The following ENOX1 variants were observed in gnomAD, a reference collection of about 807,000 sequenced individuals.
ENOX1 encodes the protein ecto-NOX disulfide-thiol exchanger 1.
A neutral mutation model predicts 82.5 loss-of-function variants in ENOX1; 42 were observed. The observed-to-expected ratio is 0.51, with a 90% CI of 0.40 to 0.66. The LOEUF (loss-of-function observed/expected upper bound fraction) is 0.66, where lower values mean the gene tolerates loss of function less well. Ranked by LOEUF, ENOX1 falls within the 30% of genes least tolerant of loss-of-function variation. The pLI is 0.00. For synonymous variants in ENOX1, 271 were observed against 282.2 expected, an observed-to-expected ratio of 0.96 and a Z score of 0.40; for missense variants, 608 against 811.6, an observed-to-expected ratio of 0.75 and a Z score of 3.05.
At chr13:43,712,857 A>C (rs905359080) in intron 1 of ENOX1, among the ~76,000 whole-genome samples, 14 of 151,360 alleles carry the variant, frequency 9.2e-5, no homozygotes, top group Non-Finnish European at 1.8e-4. Flanking sequence ...GTCATCTGCA[A>C]ACAGGGACAA....
chr13:43,289,175 A>G (rs1271989392), intron 12 of ENOX1, among the ~76,000 whole-genome samples: 1 of 152,220 alleles, frequency 6.6e-6, no homozygotes, highest in Non-Finnish European at 1.5e-5. Flanking sequence ...CACTATTCCT[A>G]TCAAATTACT....
intron 5 of ENOX1, among the ~76,000 whole-genome samples, chr13:43,364,638 G>A (rs893410192): frequency 6.6e-6 from 1 of 152,230 alleles, no homozygotes; most frequent in Non-Finnish European, 1.5e-5. Flanking sequence ...TTGGGGCTTT[G>A]TGTTCAGGAT....
At chr13:43,765,126 A>G (rs1951193903) in intron 1 of ENOX1, among the ~76,000 whole-genome samples, 1 of 152,226 alleles carries the variant, frequency 6.6e-6, no homozygotes, top group Admixed American at 6.5e-5. Context: ...AACCTTGTCA[A>G]GTGAAACTCC....
chr13:43,449,672 T>A (rs1197015868), intron 3 of ENOX1, among the ~76,000 whole-genome samples: 1 of 151,700 alleles, frequency 6.6e-6, no homozygotes, highest in Non-Finnish European at 1.5e-5. Context: ...ATACTTCTTA[T>A]TGTTTTTTTT....
At chr13:43,728,124 T>C (rs1481861573) in intron 1 of ENOX1, among the ~76,000 whole-genome samples, 3 of 152,192 alleles carry the variant, frequency 2.0e-5, no homozygotes, top group African/African-American at 7.2e-5. Flanking sequence ...TTCTTTTCCT[T>C]CTTCTCTGGA....
chr13:43,598,980 C>T (rs1278549485), intron 2 of ENOX1, among the ~76,000 whole-genome samples: 1 of 152,048 alleles, frequency 6.6e-6, no homozygotes, highest in African/African-American at 2.4e-5. Flanking sequence ...TGCCTTAATT[C>T]AATTGAAGTG....
intron 1 of ENOX1, among the ~76,000 whole-genome samples, chr13:43,777,917 GCTT>G (rs1423185024): frequency 2.6e-5 from 4 of 152,076 alleles, no homozygotes; most frequent in Non-Finnish European, 2.9e-5. Context: ...AATTAACAAG[GCTT>G]CTTCTTTTCT....
chr13:43,443,425 C>T (rs996145712), intron 3 of ENOX1, among the ~76,000 whole-genome samples: 1 of 152,126 alleles, frequency 6.6e-6, no homozygotes, highest in Non-Finnish European at 1.5e-5. Flanking sequence ...ATCCACCTTC[C>T]AAAAGCTCAG....
At chr13:43,588,775 G>A (rs951004556) in intron 2 of ENOX1, among the ~76,000 whole-genome samples, 1 of 152,146 alleles carries the variant, frequency 6.6e-6, no homozygotes, top group South Asian at 2.1e-4. Context: ...TGGCAGATGT[G>A]GGGCACTTCG....
At chr13:43,256,609 G>C (rs1038677041) in intron 14 of ENOX1, among the ~76,000 whole-genome samples, 4 of 152,154 alleles carry the variant, frequency 2.6e-5, no homozygotes, top group Non-Finnish European at 5.9e-5. Context: ...ACCACAGTGA[G>C]ATGTCATCTC....
At chr13:43,577,291 C>T (rs1167076308) in intron 2 of ENOX1, among the ~76,000 whole-genome samples, 1 of 152,102 alleles carries the variant, frequency 6.6e-6, no homozygotes, top group Non-Finnish European at 1.5e-5. Context: ...TCCACCACAC[C>T]CGACTAATTT....
At chr13:43,688,713 C>T (rs188949796) in intron 1 of ENOX1, among the ~76,000 whole-genome samples, 3 of 152,090 alleles carry the variant, frequency 2.0e-5, no homozygotes, top group East Asian at 1.9e-4. Context: ...GTGAACTCAG[C>T]GTCTGGTTGT....
intron 2 of ENOX1, among the ~76,000 whole-genome samples, chr13:43,566,807 G>A (rs1232113987): frequency 1.3e-5 from 2 of 152,052 alleles, no homozygotes; most frequent in African/African-American, 4.8e-5. Context: ...TTCTAAATAA[G>A]TTTAAATGTT....
intron 2 of ENOX1, among the ~76,000 whole-genome samples, chr13:43,561,928 C>A (rs934825899): frequency 2.7e-5 from 4 of 149,280 alleles, no homozygotes; most frequent in Admixed American, 1.3e-4. Flanking sequence ...ATAATAACAC[C>A]GCTGCACTCC....
chr13:43,350,949 A>G (rs1470813560), intron 8 of ENOX1, among the ~76,000 whole-genome samples: 2 of 152,214 alleles, frequency 1.3e-5, no homozygotes, highest in African/African-American at 4.8e-5. Flanking sequence ...CAAGGAAGGC[A>G]TTCTAAAATG....
intron 5 of ENOX1, among the ~76,000 whole-genome samples, chr13:43,404,619 G>A (rs1006324863): frequency 1.3e-5 from 2 of 152,146 alleles, no homozygotes; most frequent in Non-Finnish European, 2.9e-5. Flanking sequence ...TTAGTCATTT[G>A]TATAATTATT....
At chr13:43,558,356 T>C (rs1393426549) in intron 2 of ENOX1, among the ~76,000 whole-genome samples, 1 of 152,208 alleles carries the variant, frequency 6.6e-6, no homozygotes, top group Non-Finnish European at 1.5e-5. Context: ...ACTATTCCTC[T>C]GGGTGTCCTT....
intron 1 of ENOX1, among the ~76,000 whole-genome samples, chr13:43,693,243 T>C (rs1044387043): frequency 2.0e-5 from 3 of 152,112 alleles, no homozygotes; most frequent in African/African-American, 7.2e-5. Context: ...AGAGCATGTA[T>C]ACTTTTATAA....
intron 1 of ENOX1, among the ~76,000 whole-genome samples, chr13:43,695,759 T>C (rs1278544541): frequency 6.6e-6 from 1 of 152,194 alleles, no homozygotes; most frequent in African/African-American, 2.4e-5. Flanking sequence ...CATTTTTTTC[T>C]TCACTTTTTA....
Sources: allele counts gnomAD v4.1 joint callset (sites outside exome capture counted in the v4.1 genomes callset), GRCh38; gene constraint gnomAD v4.1.1; transcripts MANE v1.5; gene names NCBI Gene and HGNC (gene_info 2026-07-23, HGNC 2026-07-21).